Variants in RNF130 observed in about 807,000 individuals in gnomAD.
RNF130 encodes ring finger protein 130, also known as E3 ubiquitin-protein ligase RNF130.
RNF130 carries 21 observed loss-of-function variants against 44.6 expected under a neutral mutation model. The observed-to-expected ratio is 0.47, with a 90% CI of 0.33 to 0.68. RNF130 has a LOEUF of 0.68. Ranked by LOEUF, RNF130 falls within the 30% of genes least tolerant of loss-of-function variation. RNF130 has a pLI of 0.02. For synonymous variants in RNF130, 214 were observed against 210.4 expected (o/e 1.02, Z -0.15); for missense variants, 479 against 560.6 (o/e 0.85, Z 1.47).
chr5:179,997,044 G>A lies in RNF130; in HGVS notation c.693+16017C>T, dbSNP rs569492395. ...TTCTATTTCCTCTTGAATCTATGTT[G>A]GTATATGTGTCTGGGAAAATTTACT... On this transcript the variant is annotated intron_variant, in intron 3 of 8. Transcript: ENST00000521389. Among the ~76,000 whole-genome samples, 104 of 152,074 alleles carry A rather than the reference G, an allele frequency of 6.8e-4. 2 individuals carry two copies. In the South Asian group the frequency reaches 0.021, roughly 31 times the overall value.
chr5:180,055,708 C>CT (rs1278263517), intron 1 of RNF130, among the ~76,000 whole-genome samples: 1 of 152,122 alleles, frequency 6.6e-6, no homozygotes, highest in Non-Finnish European at 1.5e-5. Context: ...GGACAAATGC[C>CT]TTTTTTTAAA....
exon 8 of RNF130, chr5:179,919,470 T>C (rs976402056): frequency 6.6e-6 from 1 of 152,506 alleles, no homozygotes; most frequent in Non-Finnish European, 1.5e-5. Context: ...TCACAACTGC[T>C]GGCCATCCCC....
chr5:179,959,626 C>CA lies in RNF130; in HGVS notation c.1244+3844dup, dbSNP rs879337220. 2.4e-3 allele frequency among the ~76,000 whole-genome samples: 244 copies of CA among 101,708 alleles called. 3 individuals carry two copies. Among genetic ancestry groups the CA allele is most frequent in the Admixed American group, 6.0e-3 (58 of 9,714 alleles). 66.7% of individuals were successfully genotyped at this position (101,708 alleles called of 152,430 possible). On this transcript the variant is annotated intron_variant, in intron 8 of 8. Coordinates refer to ENST00000521389, the MANE Select transcript of RNF130 (RefSeq NM_018434.6). ...TGGGTAACAGAGCGAGACTCCGTCT[C>CA]AAAAAAAAAAAAAGAGTACTGAGCA...
chr5:180,059,944 G>A (rs978467408), intron 1 of RNF130, among the ~76,000 whole-genome samples: 8 of 152,138 alleles, frequency 5.3e-5, no homozygotes, highest in East Asian at 1.9e-4. Context: ...GTTGATCATC[G>A]GCTGACTTTA....
chr5:179,912,577 G>C (rs1449171143), exon 8 of RNF130: 1 of 152,194 alleles, frequency 6.6e-6, no homozygotes, highest in Admixed American at 6.5e-5. Flanking sequence ...CTCAGGCTGG[G>C]CACTCAGCAG....
intron 1 of RNF130, among the ~76,000 whole-genome samples, chr5:180,061,356 G>A (rs1164271276): frequency 6.6e-6 from 1 of 152,180 alleles, no homozygotes; most frequent in East Asian, 1.9e-4. Context: ...TGCTGGCAAA[G>A]CTAACCCTGC....
chr5:179,962,932 G>T (rs1055994731), intron 8 of RNF130, among the ~76,000 whole-genome samples: 6 of 152,198 alleles, frequency 3.9e-5, no homozygotes, highest in Non-Finnish European at 7.3e-5. Context: ...TGCCCATGGA[G>T]ATAGCGCTTA....
intron 3 of RNF130, among the ~76,000 whole-genome samples, chr5:179,993,348 G>A (rs1419642626): frequency 6.6e-6 from 1 of 152,134 alleles, no homozygotes; most frequent in East Asian, 1.9e-4. Context: ...CAACAGTGTA[G>A]AAGTGTTCCT....
At chr5:179,961,495 T>C (rs3797770) in intron 8 of RNF130, among the ~76,000 whole-genome samples, 1 of 152,284 alleles carries the variant, frequency 6.6e-6, no homozygotes, top group East Asian at 1.9e-4. Context: ...TTCTAATAGG[T>C]AACATGTCTA....
At chr5:180,000,973 T>C (rs574804232) in intron 3 of RNF130, among the ~76,000 whole-genome samples, 1 of 152,334 alleles carries the variant, frequency 6.6e-6, no homozygotes, top group East Asian at 1.9e-4. Flanking sequence ...TTGATGTCTG[T>C]GCATCTGGTG....
chr5:179,977,660 T>A lies in RNF130; in HGVS notation c.848+543A>T, dbSNP rs1561677749. Among the ~76,000 whole-genome samples, 1 of 152,142 alleles carries A rather than the reference T, an allele frequency of 6.6e-6. No homozygotes were observed. Among genetic ancestry groups the A allele is most frequent in the Non-Finnish European group, 1.5e-5 (1 of 68,026 alleles). On this transcript the variant is annotated intron_variant, in intron 5 of 8. Coordinates refer to ENST00000521389, the MANE Select transcript of RNF130 (RefSeq NM_018434.6). This position sits in a 1 kb window ranked among gnomAD's most constrained non-coding sequence, Gnocchi z 4.1. ...CTGAGGTCAGGAGTTCAAGACCAAC[T>A]GGCCAACATGATGAAACCCCGTCTC...
At chr5:179,990,560 CAG>C (rs1216753079) in intron 3 of RNF130, among the ~76,000 whole-genome samples, 10 of 152,284 alleles carry the variant, frequency 6.6e-5, no homozygotes, top group African/African-American at 2.2e-4. Context: ...GGTGGTGGAG[CAG>C]AGTCTTCTCT....
At position 180,060,692 on chromosome 5, in the gene RNF130, G is replaced by A. The variant is rs1300383658; in HGVS notation, c.247+10764C>T. Among the ~76,000 whole-genome samples the A allele has an allele frequency of 4.6e-5, 7 of 152,132 alleles. No homozygotes were observed. The South Asian group carries it at 6.2e-4, about 13-fold the overall frequency. Reference sequence around the variant, plus strand: ...GTTCTGTGTATCTCTACATAAATACGTAGTCTTCTGGAGAAAGGTACACCG... The same window carrying A: ...GTTCTGTGTATCTCTACATAAATACATAGTCTTCTGGAGAAAGGTACACCG... On this transcript the variant is annotated intron_variant, in intron 1 of 8. Transcript: ENST00000521389.
intron 6 of RNF130, among the ~76,000 whole-genome samples, chr5:179,968,836 G>A (rs988579163): frequency 1.3e-5 from 2 of 152,164 alleles, no homozygotes; most frequent in Non-Finnish European, 2.9e-5. Context: ...CATGCTACTA[G>A]CATTTAGATG....
At chr5:180,038,841 T>A (rs184925915) in intron 2 of RNF130, among the ~76,000 whole-genome samples, 1 of 152,210 alleles carries the variant, frequency 6.6e-6, no homozygotes, top group Admixed American at 6.5e-5. Flanking sequence ...GAAAAATACA[T>A]TTTGCTCAGT....
intron 2 of RNF130, among the ~76,000 whole-genome samples, chr5:180,039,502 T>C (rs35973843): frequency 0.13 from 19,117 of 152,158 alleles, 1,359 homozygotes; most frequent in East Asian, 0.24. Flanking sequence ...CCTCCTAAAG[T>C]ATATCTTACT....
chr5:179,963,619 C>T (rs995814123), intron 7 of RNF130, 55 bp from the exon 8 acceptor site: 27 of 1,227,332 alleles, frequency 2.2e-5, no homozygotes, highest in South Asian at 6.3e-5. Flanking sequence ...TAAGTCAAAT[C>T]GATGCCAACA....
intron 3 of RNF130, among the ~76,000 whole-genome samples, chr5:179,987,561 T>G (rs1011566128): frequency 1.3e-5 from 2 of 152,266 alleles, no homozygotes; most frequent in African/African-American, 2.4e-5. Context: ...CATCCTTGTC[T>G]TGAACCAGTT....
chr5:179,974,443 G>A (rs531816676), intron 5 of RNF130, among the ~76,000 whole-genome samples: 1 of 152,368 alleles, frequency 6.6e-6, no homozygotes, highest in South Asian at 2.1e-4. Flanking sequence ...AGCCGAGGAG[G>A]AGGCCCCTCC....
Sources: allele counts gnomAD v4.1 joint callset (sites outside exome capture counted in the v4.1 genomes callset), GRCh38; gene constraint gnomAD v4.1.1; non-coding constraint Gnocchi (gnomAD v3.1); transcripts MANE v1.5; gene names NCBI Gene and HGNC (gene_info 2026-07-23, HGNC 2026-07-21).